XKR4: variants seen among roughly 807,000 people sequenced by gnomAD.
XKR4 encodes the protein XK related 4.
A neutral mutation model predicts 53.9 loss-of-function variants in XKR4; 12 were observed. The ratio of observed to expected loss-of-function variants is 0.22; its 90% CI spans 0.14 to 0.36. XKR4 has a LOEUF of 0.36. XKR4 is among the 10% of genes least tolerant of loss of function. The probability of loss-of-function intolerance (pLI) is 1.00; values close to 1 mark genes in which losing one functional copy is unlikely to be tolerated. For missense variants in XKR4, 799 were observed against 859.5 expected (o/e 0.93, Z 0.88); for synonymous variants, 354 against 362.4 (o/e 0.98, Z 0.26).
At chr8:55,430,229 A>G (rs1170778588) in intron 2 of XKR4, among the ~76,000 whole-genome samples, 1 of 152,224 alleles carries the variant, frequency 6.6e-6, no homozygotes, top group Non-Finnish European at 1.5e-5. Flanking sequence ...GCCACTCTGG[A>G]AAATAGTTTG....
intron 2 of XKR4, among the ~76,000 whole-genome samples, chr8:55,467,624 C>T (rs1293955391): frequency 6.6e-5 from 10 of 152,144 alleles, no homozygotes; most frequent in Admixed American, 5.2e-4. Flanking sequence ...CGGTAAAGTG[C>T]TAATTTCCCC....
At chr8:55,160,512 A>G (rs528607095) in intron 1 of XKR4, among the ~76,000 whole-genome samples, 10 of 152,306 alleles carry the variant, frequency 6.6e-5, no homozygotes, top group African/African-American at 1.9e-4. Flanking sequence ...TGGCAAGGAC[A>G]AGGTCTAGGG....
intron 1 of XKR4, among the ~76,000 whole-genome samples, chr8:55,154,443 A>G (rs1053844217): frequency 5.3e-5 from 8 of 152,326 alleles, no homozygotes; most frequent in Middle Eastern, 6.8e-3. Flanking sequence ...AACATTTTCT[A>G]TTTAAATTTA....
At chr8:55,169,687 A>G (rs1817123586) in intron 1 of XKR4, among the ~76,000 whole-genome samples, 1 of 152,204 alleles carries the variant, frequency 6.6e-6, no homozygotes, top group Admixed American at 6.5e-5. Context: ...CCCACGTTCC[A>G]TCTAACTGTA....
intron 1 of XKR4, among the ~76,000 whole-genome samples, chr8:55,283,233 G>C (rs1818864038): frequency 6.6e-6 from 1 of 152,292 alleles, no homozygotes; most frequent in Admixed American, 6.5e-5. Flanking sequence ...AATTTATTGT[G>C]TTATTATCAT....
rs534231776 is a variant in XKR4 at position 55,451,436 on chromosome 8, C to T, written c.1007-71845C>T. 1.3e-4 allele frequency: 156 copies of T among 1,207,854 alleles called. No individual in the cohort carries two copies. In the South Asian group the frequency reaches 1.9e-3, roughly 15 times the overall value. The allele number at this position is 1,207,854 out of a possible 1,614,324, so 74.8% of individuals were successfully genotyped here. A position where few individuals can be genotyped will look rare whatever the true frequency, so the allele number is the denominator to read the frequency against. On this transcript the variant is annotated intron_variant, in intron 2 of 2. Coordinates refer to ENST00000327381, the MANE Select transcript of XKR4 (RefSeq NM_052898.2). ...CTGGAGTAGCGGGGCATGGAGCTGA[C>T]AACAGCCTGCAGGTACTTCTCCTGC...
chr8:55,431,843 T>C (rs952377253), intron 2 of XKR4, among the ~76,000 whole-genome samples: 1 of 152,264 alleles, frequency 6.6e-6, no homozygotes, highest in Non-Finnish European at 1.5e-5. Flanking sequence ...GACTCATTTG[T>C]TGGGGTTACT....
At chr8:55,184,762 A>G (rs914956080) in intron 1 of XKR4, among the ~76,000 whole-genome samples, 3 of 152,176 alleles carry the variant, frequency 2.0e-5, no homozygotes, top group African/African-American at 7.2e-5. Context: ...TACTTCTCCA[A>G]TGTCAACCTT....
chr8:55,392,021 T>C (rs533805124), intron 2 of XKR4, among the ~76,000 whole-genome samples: 1 of 152,282 alleles, frequency 6.6e-6, no homozygotes, highest in Non-Finnish European at 1.5e-5. Context: ...ACCAAGGCTA[T>C]CAGTGTAAAA....
intron 2 of XKR4, among the ~76,000 whole-genome samples, chr8:55,448,257 T>C (rs1048372822): frequency 3.3e-5 from 5 of 152,340 alleles, no homozygotes; most frequent in African/African-American, 9.6e-5. Flanking sequence ...AAAGAGTGAC[T>C]CAATAAAGCG....
intron 2 of XKR4, among the ~76,000 whole-genome samples, chr8:55,464,588 C>T (rs1269227312): frequency 6.6e-6 from 1 of 152,074 alleles, no homozygotes; most frequent in African/African-American, 2.4e-5. Flanking sequence ...GACAGGGATG[C>T]CCTCTCTCAC....
chr8:55,341,639 G>T (rs1585529503), intron 1 of XKR4, among the ~76,000 whole-genome samples: 1 of 152,210 alleles, frequency 6.6e-6, no homozygotes, highest in East Asian at 1.9e-4. Flanking sequence ...GAGCATGTAG[G>T]TTTAGACATC....
At chr8:55,313,220 T>C (rs1294361168) in intron 1 of XKR4, among the ~76,000 whole-genome samples, 2 of 152,176 alleles carry the variant, frequency 1.3e-5, no homozygotes, top group Non-Finnish European at 2.9e-5. Flanking sequence ...TACATTGTGT[T>C]CTTTTTACAA....
chr8:55,287,725 C>G (rs569120561), intron 1 of XKR4, among the ~76,000 whole-genome samples: 1 of 152,322 alleles, frequency 6.6e-6, no homozygotes, highest in East Asian at 1.9e-4. Context: ...TCGCCATCCC[C>G]GTTCTCCCTA....
At chr8:55,277,465 A>G (rs1307259070) in intron 1 of XKR4, among the ~76,000 whole-genome samples, 4 of 152,168 alleles carry the variant, frequency 2.6e-5, no homozygotes, top group Non-Finnish European at 4.4e-5. Flanking sequence ...ACATAATGAG[A>G]TATCTTGGGG....
chr8:55,387,528 G>T (rs1165507988), intron 2 of XKR4, among the ~76,000 whole-genome samples: 1 of 152,194 alleles, frequency 6.6e-6, no homozygotes, highest in Non-Finnish European at 1.5e-5. Context: ...TCAGCAACCT[G>T]CTTCTCCCAC....
intron 1 of XKR4, among the ~76,000 whole-genome samples, chr8:55,289,851 GGAAA>G (rs541321670): frequency 0.013 from 1,761 of 135,612 alleles, 30 homozygotes; most frequent in African/African-American, 0.039. Context: ...AAAGAAAGAA[GGAAA>G]GAAAGAAAGA....
chr8:55,260,270 T>C (rs1818505340), intron 1 of XKR4, among the ~76,000 whole-genome samples: 1 of 152,248 alleles, frequency 6.6e-6, no homozygotes, highest in African/African-American at 2.4e-5. Context: ...TCCCCTTTTT[T>C]ATAATTTGCT....
At chr8:55,276,075 T>G (rs1050069606) in intron 1 of XKR4, among the ~76,000 whole-genome samples, 2 of 152,242 alleles carry the variant, frequency 1.3e-5, no homozygotes, top group Admixed American at 6.5e-5. Context: ...TCCGGGTAAA[T>G]TAGTAAAAAC....
Sources: allele counts gnomAD v4.1 joint callset (sites outside exome capture counted in the v4.1 genomes callset), GRCh38; gene constraint gnomAD v4.1.1; transcripts MANE v1.5; gene names NCBI Gene and HGNC (gene_info 2026-07-23, HGNC 2026-07-21).